SLC1A7: variants seen among roughly 807,000 people sequenced by gnomAD.
SLC1A7 encodes solute carrier family 1 member 7.
In SLC1A7, 40 loss-of-function variants were observed where a neutral mutation model predicts 47.7. The ratio of observed to expected loss-of-function variants is 0.84; its 90% CI spans 0.65 to 1.09. SLC1A7 has a LOEUF of 1.09. SLC1A7 is among the 50% of genes least tolerant of loss of function. The pLI is 0.00. For synonymous variants in SLC1A7, 323 were observed against 325.6 expected (o/e 0.99, Z 0.09); for missense variants, 746 against 769.5 (o/e 0.97, Z 0.36).
chr1:53,129,586 GGAAGA>G (rs1557689072), intron 2 of SLC1A7, among the ~76,000 whole-genome samples: 1 of 137,498 alleles, frequency 7.3e-6, no homozygotes, highest in South Asian at 2.2e-4. Flanking sequence ...GCCCACAGCT[GGAAGA>G]TGCCAGATTA....
At chr1:53,134,921 A>T (rs758146083) in intron 1 of SLC1A7, among the ~76,000 whole-genome samples, 1 of 151,680 alleles carries the variant, frequency 6.6e-6, no homozygotes, top group South Asian at 2.1e-4. Flanking sequence ...AAGTTATGTG[A>T]ATGTGGTCTC....
Position 53,090,675 on chromosome 1 carries a change from G to C in SLC1A7, c.1163C>G (p.Ala388Gly). ...GTTGACCTGGGCGATGAAGATGGCG[G>C]CCACAGCCTCGTAGAGCGCAGTGCC... The part of the protein sequence containing the change: ...MDGTALYEAV[A>G]AIFIAQVNNY... Residue 388 changes from alanine to glycine, a missense_variant, in exon 8 of 11, where the codon GCC (alanine) becomes GGC (glycine). By Grantham distance (60) the Ala-to-Gly change is moderately conservative. Transcript: ENST00000371494. 1 of 1,612,522 alleles carries C rather than the reference G, an allele frequency of 6.2e-7. No homozygotes were observed. Among genetic ancestry groups the C allele is most frequent in the African/African-American group, 1.3e-5 (1 of 75,046 alleles).
At chr1:53,130,619 G>A (rs1644933546) in intron 2 of SLC1A7, among the ~76,000 whole-genome samples, 1 of 152,186 alleles carries the variant, frequency 6.6e-6, no homozygotes, top group African/African-American at 2.4e-5. Context: ...CTCCTAAGCT[G>A]TGGAGCCAGA....
At chr1:53,127,495 C>T (rs937648418) in intron 2 of SLC1A7, among the ~76,000 whole-genome samples, 5 of 152,148 alleles carry the variant, frequency 3.3e-5, no homozygotes, top group African/African-American at 1.2e-4. Context: ...AGGAAGGTTC[C>T]AGGAGAGAGA....
rs1447637230 is a variant in SLC1A7, at chr1:53,129,056, G to A, written c.215+5294C>T. Reference sequence around the variant, plus strand: ...TTGCTGGTCATGGTGGCGGGTGCCTGTAATCCCAGCTACTTGGGAGGCTGA... The same window carrying A: ...TTGCTGGTCATGGTGGCGGGTGCCTATAATCCCAGCTACTTGGGAGGCTGA... On this transcript the variant is annotated intron_variant, in intron 2 of 10. Transcript: ENST00000371494. 6.4e-4 allele frequency among the ~76,000 whole-genome samples: 89 copies of A among 139,940 alleles called. 14 individuals are homozygous for A. The highest frequency in any genetic ancestry group is 2.1e-3 in the African/African-American group (81 of 37,676). The allele number at this position is 139,940 out of a possible 152,430, so 91.8% of individuals were successfully genotyped here.
chr1:53,104,003 C>T (rs1056169278), intron 4 of SLC1A7, among the ~76,000 whole-genome samples: 1 of 152,118 alleles, frequency 6.6e-6, no homozygotes, highest in African/African-American at 2.4e-5. Context: ...CATAGCCTGC[C>T]CCAAGCCTTG....
At position 53,120,627 on chromosome 1, in the gene SLC1A7, A is replaced by G. The variant is rs74082707; in HGVS notation, c.216-5654T>C. On this transcript the variant is annotated intron_variant, in intron 2 of 10. Transcript: ENST00000371494. ...TCCCCAACCCTGGGTCAGCTTAGAC[A>G]TCACTGCCTCTGGGAAGCCTTCCCT... Among the ~76,000 whole-genome samples, 1,322 of 152,232 alleles carry G rather than the reference A, an allele frequency of 8.7e-3. 17 individuals are homozygous for G. The highest frequency in any genetic ancestry group is 0.028 in the African/African-American group (1,154 of 41,538).
chr1:53,120,782 C>T (rs1370862094), intron 2 of SLC1A7, among the ~76,000 whole-genome samples: 1 of 152,250 alleles, frequency 6.6e-6, no homozygotes, highest in African/African-American at 2.4e-5. Flanking sequence ...CGGGCTGGCA[C>T]GGAGTGCCGG....
intron 3 of SLC1A7, 109 bp downstream of exon 3, chr1:53,114,649 G>A: frequency 2.2e-6 from 2 of 897,514 alleles, no homozygotes; most frequent in East Asian, 2.6e-5. Flanking sequence ...GGGTGATCAT[G>A]GACTCCGTGA....
At chr1:53,120,339 G>A (rs6666264) in intron 2 of SLC1A7, among the ~76,000 whole-genome samples, 61,470 of 151,838 alleles carry the variant, frequency 0.4, 12,818 homozygotes, top group East Asian at 0.54. Context: ...ACGCCCCCAC[G>A]AAGTCGAAGT....
At chr1:53,105,217 G>C (rs1051029013) in intron 4 of SLC1A7, among the ~76,000 whole-genome samples, 1 of 152,092 alleles carries the variant, frequency 6.6e-6, no homozygotes, top group African/African-American at 2.4e-5. Context: ...TATATTGTTT[G>C]GTATTTTCCT....
chr1:53,112,679 G>A (rs1457070982), intron 3 of SLC1A7, among the ~76,000 whole-genome samples: 13 of 152,186 alleles, frequency 8.5e-5, no homozygotes. Flanking sequence ...CAAAGGCCCT[G>A]GGAAAGGCCA....
At chr1:53,102,388 A>G (rs1319721006) in intron 5 of SLC1A7, 1 of 152,376 alleles carries the variant, frequency 6.6e-6, no homozygotes, top group African/African-American at 2.4e-5. Flanking sequence ...TATCCTTGCA[A>G]TCGAGTCTAG....
intron 1 of SLC1A7, among the ~76,000 whole-genome samples, chr1:53,136,824 G>A (rs1019158499): frequency 3.3e-5 from 5 of 151,326 alleles, no homozygotes; most frequent in African/African-American, 9.7e-5. Context: ...ATGCCACCAA[G>A]CCCAGCTAAT....
chr1:53,090,864 C>CT (rs1464260475), intron 7 of SLC1A7, 58 bp from the exon 8 acceptor site: 7 of 1,558,658 alleles, frequency 4.5e-6, no homozygotes, highest in Non-Finnish European at 6.1e-6. Flanking sequence ...GCTGGGGCCT[C>CT]TGTCGGGAAG....
chr1:53,093,120 G>A (rs1288408), intron 6 of SLC1A7, among the ~76,000 whole-genome samples: 112,390 of 152,134 alleles, frequency 0.74, 41,850 homozygotes, highest in Non-Finnish European at 0.78. Context: ...CTGAACTGTG[G>A]GCCGAGGACT....
chr1:53,114,479 C>T (rs1309387476), intron 3 of SLC1A7: 1 of 472,962 alleles, frequency 2.1e-6, no homozygotes, highest in Admixed American at 3.4e-5. Flanking sequence ...CAGCCTCCCA[C>T]CCTACAGGCT....
chr1:53,105,941 C>G (rs1644636091), intron 3 of SLC1A7, among the ~76,000 whole-genome samples, 167 bp from the exon 4 acceptor site: 2 of 152,130 alleles, frequency 1.3e-5, no homozygotes, highest in Admixed American at 1.3e-4. Flanking sequence ...ACAGCGCCAG[C>G]ACCTGCCGCC....
At chr1:53,136,560 T>TATATATAAACATATATA (rs58190602) in intron 1 of SLC1A7, among the ~76,000 whole-genome samples, 22,401 of 80,416 alleles carry the variant, frequency 0.28, 3,231 homozygotes, top group South Asian at 0.57. Context: ...TATATAAACA[T>TATATATAAACATATATA]ATATATAAAC....
Sources: allele counts gnomAD v4.1 joint callset (sites outside exome capture counted in the v4.1 genomes callset), GRCh38; gene constraint gnomAD v4.1.1; transcripts MANE v1.5; gene names NCBI Gene and HGNC (gene_info 2026-07-23, HGNC 2026-07-21).